Variants in LDB2 observed in about 807,000 individuals in gnomAD.
The protein encoded by LDB2 is LIM domain binding 2.
In LDB2, 12 loss-of-function variants were observed where a neutral mutation model predicts 44.3. That is an observed-to-expected ratio of 0.27 (90% CI 0.17 to 0.44). The LOEUF is 0.44. LDB2 is among the 20% of genes least tolerant of loss of function. LDB2 has a pLI of 1.00. For missense variants in LDB2, 344 were observed against 473.5 expected (o/e 0.73, Z 2.54); for synonymous variants, 164 against 174.8 (o/e 0.94, Z 0.49).
chr4:16,681,131 C>T (rs950443891), intron 2 of LDB2, among the ~76,000 whole-genome samples: 2 of 152,106 alleles, frequency 1.3e-5, no homozygotes, highest in Non-Finnish European at 2.9e-5. Flanking sequence ...TTTAAAGTGA[C>T]CAATTACATG....
intron 3 of LDB2, among the ~76,000 whole-genome samples, chr4:16,594,275 T>G (rs1473608614): frequency 1.3e-5 from 2 of 152,182 alleles, no homozygotes; most frequent in Non-Finnish European, 2.9e-5. Flanking sequence ...ATGGCTTACA[T>G]GTCCGTCTGA....
At chr4:16,594,997 G>C (rs142645198) in intron 3 of LDB2, among the ~76,000 whole-genome samples, 9 of 152,310 alleles carry the variant, frequency 5.9e-5, no homozygotes, top group African/African-American at 2.2e-4. Context: ...TCTTTGGTGA[G>C]AGGGAATATT....
At chr4:16,698,803 G>A (rs1309225072) in intron 2 of LDB2, among the ~76,000 whole-genome samples, 4 of 152,058 alleles carry the variant, frequency 2.6e-5, no homozygotes, top group African/African-American at 4.8e-5. Context: ...TGGTTCCTAC[G>A]CAATGGTTTA....
At chr4:16,614,943 G>A (rs1292497634) in intron 2 of LDB2, among the ~76,000 whole-genome samples, 5 of 149,604 alleles carry the variant, frequency 3.3e-5, no homozygotes, top group South Asian at 2.1e-4. Context: ...AGTGGCGGGC[G>A]CCTGTAGTCC....
intron 2 of LDB2, among the ~76,000 whole-genome samples, chr4:16,671,700 T>C (rs1744810480): frequency 6.6e-6 from 1 of 152,114 alleles, no homozygotes; most frequent in Non-Finnish European, 1.5e-5. Flanking sequence ...TCCCTTACTC[T>C]GGGCTGGGTC....
chr4:16,590,388 G>T (rs1181590074), intron 3 of LDB2, among the ~76,000 whole-genome samples: 2 of 152,196 alleles, frequency 1.3e-5, no homozygotes, highest in Admixed American at 6.5e-5. Flanking sequence ...GTAAGTATTT[G>T]TAAAACTATA....
At chr4:16,836,480 G>A (rs1282861033) in intron 1 of LDB2, among the ~76,000 whole-genome samples, 1 of 152,192 alleles carries the variant, frequency 6.6e-6, no homozygotes, top group African/African-American at 2.4e-5. Flanking sequence ...ATGCCCAGAT[G>A]TCAAAGCTCT....
At position 16,695,258 on chromosome 4, in the gene LDB2, G is replaced by A. The variant is rs115726087; in HGVS notation, c.235+63900C>T. 3.9e-3 allele frequency among the ~76,000 whole-genome samples: 600 copies of A among 152,124 alleles called. 5 individuals carry two copies. Among genetic ancestry groups the A allele is most frequent in the African/African-American group, 0.014 (573 of 41,498 alleles). On this transcript the variant is annotated intron_variant, in intron 2 of 7. Coordinates refer to ENST00000304523, the MANE Select transcript of LDB2 (RefSeq NM_001290.5). ...AAAAAGTATAATTATTGCTCTAGGC[G>A]GGGCGCAGTGGCTCAGGCCTGTAAT...
chr4:16,518,701 C>T (rs578016597), intron 5 of LDB2, among the ~76,000 whole-genome samples: 9 of 152,262 alleles, frequency 5.9e-5, no homozygotes, highest in East Asian at 5.8e-4. Flanking sequence ...TGAACTAAAT[C>T]GGTACTATTC....
At chr4:16,791,217 G>T (rs889869274) in intron 1 of LDB2, among the ~76,000 whole-genome samples, 3 of 152,048 alleles carry the variant, frequency 2.0e-5, no homozygotes, top group Admixed American at 6.6e-5. Flanking sequence ...AAACCTAAAA[G>T]GGGATTGTCA....
At chr4:16,559,690 T>A (rs1321696183) in intron 5 of LDB2, among the ~76,000 whole-genome samples, 2 of 152,036 alleles carry the variant, frequency 1.3e-5, no homozygotes, top group Non-Finnish European at 2.9e-5. Context: ...ACCCAGGAAT[T>A]GAACTCAGCT....
At chr4:16,746,248 C>A (rs928442209) in intron 2 of LDB2, among the ~76,000 whole-genome samples, 1 of 152,180 alleles carries the variant, frequency 6.6e-6, no homozygotes, top group African/African-American at 2.4e-5. Flanking sequence ...ATCATTTTAA[C>A]TTATTAACTA....
chr4:16,565,509 A>G (rs999013597), intron 5 of LDB2, among the ~76,000 whole-genome samples: 6 of 152,078 alleles, frequency 3.9e-5, no homozygotes, highest in Admixed American at 2.0e-4. Flanking sequence ...AAATATGTCT[A>G]TCTCAAATCT....
intron 2 of LDB2, among the ~76,000 whole-genome samples, chr4:16,723,713 A>T (rs1758817937): frequency 6.6e-6 from 1 of 152,036 alleles, no homozygotes; most frequent in African/African-American, 2.4e-5. Context: ...AGCAGACCCC[A>T]CTTTCAGAAA....
At chr4:16,525,456 C>T (rs1263142268) in intron 5 of LDB2, among the ~76,000 whole-genome samples, 3 of 152,202 alleles carry the variant, frequency 2.0e-5, no homozygotes, top group African/African-American at 7.2e-5. Flanking sequence ...GTATCTGCAG[C>T]CCTCTCCCCT....
At chr4:16,667,430 A>G (rs1743592353) in intron 2 of LDB2, among the ~76,000 whole-genome samples, 1 of 152,150 alleles carries the variant, frequency 6.6e-6, no homozygotes, top group East Asian at 1.9e-4. Flanking sequence ...GGCTGAGGAA[A>G]CTGAGATCTA....
chr4:16,680,055 T>C (rs1340736310), intron 2 of LDB2, among the ~76,000 whole-genome samples: 5 of 152,076 alleles, frequency 3.3e-5, no homozygotes, highest in South Asian at 2.1e-4. Flanking sequence ...GATGGGACCT[T>C]TGGGAGGTGA....
intron 2 of LDB2, chr4:16,726,261 A>G (rs1453397755): frequency 6.6e-6 from 1 of 152,126 alleles, no homozygotes. Context: ...CTGTTCCTGA[A>G]TTCAGCTTCA....
chr4:16,655,896 C>CTTTTTTTTTTTTTTTTTTTTTTTT lies in LDB2; in HGVS notation c.236-60022_236-60021insAAAAAAAAAAAAAAAAAAAAAAAA, dbSNP rs747097456. The stretch of plus-strand genomic sequence containing the variant: ...AAACGTTGGTTGTTCTGCAAGAAAA[C>CTTTTTTTTTTTTTTTTTTTTTTTT]TTTTTTTTTTTTTTTTTTTTTGAGA... On this transcript the variant is annotated intron_variant, in intron 2 of 7. Coordinates refer to ENST00000304523, the MANE Select transcript of LDB2 (RefSeq NM_001290.5). 4.3e-5 allele frequency among the ~76,000 whole-genome samples: 4 copies of CTTTTTTTTTTTTTTTTTTTTTTTT among 93,314 alleles called. 1 individual carries two copies. The highest frequency in any genetic ancestry group is 1.3e-4 in the African/African-American group (3 of 22,784). 61.2% of individuals were successfully genotyped at this position (93,314 alleles called of 152,430 possible).
Sources: allele counts gnomAD v4.1 joint callset (sites outside exome capture counted in the v4.1 genomes callset), GRCh38; gene constraint gnomAD v4.1.1; transcripts MANE v1.5; gene names NCBI Gene and HGNC (gene_info 2026-07-23, HGNC 2026-07-21).